The following LNPEP variants were observed in gnomAD, a reference collection of about 807,000 sequenced individuals.
The protein encoded by LNPEP is leucyl and cystinyl aminopeptidase.
In LNPEP, 64 loss-of-function variants were observed where a neutral mutation model predicts 120.6. The ratio of observed to expected loss-of-function variants is 0.53; its 90% CI spans 0.43 to 0.65. The LOEUF (loss-of-function observed/expected upper bound fraction) is 0.65. Among genes scored for constraint, LNPEP ranks in the 30% least tolerant of loss-of-function variants. LNPEP has a pLI of 0.00. For synonymous variants in LNPEP, 435 were observed against 425.4 expected (o/e 1.02, Z -0.28); for missense variants, 1,057 against 1,200.0 (o/e 0.88, Z 1.76).
At chr5:96,992,402 A>G (rs1790410249) in intron 4 of LNPEP, among the ~76,000 whole-genome samples, 1 of 152,228 alleles carries the variant, frequency 6.6e-6, no homozygotes, top group Non-Finnish European at 1.5e-5. Context: ...TGTCCGCAGC[A>G]TTGGAAGAAA....
At chr5:96,998,554 G>A (rs150406794) in intron 8 of LNPEP, among the ~76,000 whole-genome samples, 3 of 152,144 alleles carry the variant, frequency 2.0e-5, no homozygotes, top group Admixed American at 6.6e-5. Context: ...TTGAAGATTC[G>A]ATTTTAGAAT....
At chr5:96,993,754 T>C in intron 5 of LNPEP, 63 bp from the exon 6 acceptor site, 2 of 1,437,726 alleles carry the variant, frequency 1.4e-6, no homozygotes, top group South Asian at 2.4e-5. Context: ...TTGAATAAAA[T>C]ACTTTGAGTA....
rs1349016574 is a variant in LNPEP at position 96,979,996 on chromosome 5, A to ATAATT, written c.860+19_860+20insAATTT. The ATAATT allele has an allele frequency of 6.4e-7, 1 of 1,559,770 alleles. No individual in the cohort carries two copies. The highest frequency in any genetic ancestry group is 1.2e-5 in the South Asian group (1 of 82,884). On this transcript the variant is annotated intron_variant, in intron 2 of 17. Coordinates refer to ENST00000231368, the MANE Select transcript of LNPEP (RefSeq NM_005575.3). ...GAGAAAAAGTAGGTAGCCCTCTTAA[A>ATAATT]TGATTCTGGTTTTACGCTCTGATAA... is the stretch of plus-strand genomic sequence containing the variant.
At chr5:97,009,478 A>G (rs746403955) in intron 11 of LNPEP, among the ~76,000 whole-genome samples, 15 of 152,174 alleles carry the variant, frequency 9.9e-5, no homozygotes, top group Admixed American at 7.2e-4. Context: ...TAATGAAGTG[A>G]CTCCAGTCTC....
In LNPEP at chr5:97,036,334, C is replaced by T. The variant is rs553021581; in HGVS notation, c.*7801C>T. 1.3e-5 allele frequency: 2 copies of T among 152,272 alleles called. No homozygotes were observed. The highest frequency in any genetic ancestry group is 3.9e-4 in the East Asian group (2 of 5,184). The allele number at this position is 152,272 out of a possible 1,614,324, so 9.4% of individuals were successfully genotyped here. A position where few individuals can be genotyped will look rare whatever the true frequency, so the allele number is the denominator to read the frequency against. The stretch of plus-strand genomic sequence containing the variant: ...TCTTTTGTGTGACTGCATCTTTCTC[C>T]TCCGTTCTCCATTGTGTGCTTTCCA... On this transcript the variant is annotated 3_prime_UTR_variant, in exon 18 of 18. Coordinates refer to ENST00000231368, the MANE Select transcript of LNPEP (RefSeq NM_005575.3).
At chr5:96,937,864 C>T (rs917457622) in intron 1 of LNPEP, 1 of 152,068 alleles carries the variant, frequency 6.6e-6, no homozygotes, top group Non-Finnish European at 1.5e-5. Context: ...TGGAAAAATC[C>T]CACAGAAGAG....
rs1217272731 is a variant in LNPEP at position 97,030,536 on chromosome 5, C to T, written c.*2003C>T. ...CAGTTTTACCTGTGCTTCTTGACAT[C>T]GCTCCTATAATGTATGTTAGTTAAC... On this transcript the variant is annotated 3_prime_UTR_variant, in exon 18 of 18. Coordinates refer to ENST00000231368, the MANE Select transcript of LNPEP (RefSeq NM_005575.3). The T allele has an allele frequency of 2.0e-5, 3 of 151,802 alleles. No individual in the cohort carries two copies. The highest frequency in any genetic ancestry group is 1.3e-4 in the Admixed American group (2 of 15,218). The allele number at this position is 151,802 out of a possible 1,614,324, so 9.4% of individuals were successfully genotyped here. A position where few individuals can be genotyped will look rare whatever the true frequency, so the allele number is the denominator to read the frequency against.
intron 1 of LNPEP, among the ~76,000 whole-genome samples, chr5:96,947,525 G>GT (rs1195599909): frequency 6.6e-6 from 1 of 152,086 alleles, no homozygotes; most frequent in African/African-American, 2.4e-5. Flanking sequence ...CTATTTGTCT[G>GT]TTTTTTAGTT....
intron 7 of LNPEP, 105 bp downstream of exon 7, chr5:96,996,608 A>G (rs1790522110): frequency 3.0e-6 from 2 of 660,708 alleles, no homozygotes; most frequent in African/African-American, 1.8e-5. Flanking sequence ...AAATGTTTCT[A>G]GGAAGGTATG....
chr5:96,955,904 T>C (rs1789457202), intron 1 of LNPEP, among the ~76,000 whole-genome samples: 1 of 152,242 alleles, frequency 6.6e-6, no homozygotes, highest in African/African-American at 2.4e-5. Flanking sequence ...ATTTCACATT[T>C]CCATCAGTGG....
intron 1 of LNPEP, among the ~76,000 whole-genome samples, chr5:96,939,107 A>G (rs534857815): frequency 3.9e-5 from 6 of 152,254 alleles, no homozygotes; most frequent in South Asian, 4.1e-4. Flanking sequence ...TATATTTTGT[A>G]AAAACTTAAA....
At chr5:96,940,495 G>A (rs564923813) in intron 1 of LNPEP, among the ~76,000 whole-genome samples, 1 of 146,990 alleles carries the variant, frequency 6.8e-6, no homozygotes, top group Non-Finnish European at 1.5e-5. Flanking sequence ...CTAAATAAGA[G>A]AAATGAATAG....
chr5:96,999,346 A>G (rs79278824), intron 8 of LNPEP, among the ~76,000 whole-genome samples: 3,908 of 152,288 alleles, frequency 0.026, 90 homozygotes, highest in South Asian at 0.089. Flanking sequence ...AATACTGGGC[A>G]GGGAAAGTAC....
intron 13 of LNPEP, among the ~76,000 whole-genome samples, chr5:97,020,389 G>A (rs899920575): frequency 1.3e-5 from 2 of 152,174 alleles, no homozygotes; most frequent in Middle Eastern, 3.2e-3. Flanking sequence ...CACGATGGTG[G>A]TGGAGGTAAA....
In LNPEP at chr5:96,986,561, A is replaced by G; in HGVS notation, c.1022A>G (p.Asp341Gly). Residue 341 changes from aspartate (D) to glycine (G), a missense_variant, in exon 4 of 18, where the codon GAT (aspartate) becomes GGT (glycine). Transcript: ENST00000231368. ...MPKKSSVVLDDGLVQDEFSES... is the reference protein window; with the variant it reads ...MPKKSSVVLDGGLVQDEFSES... ...TAGAAGTCATCAGTCGTTCTAGATG[A>G]TGGACTTGTTCAGGATGAGTTTTCT... 1.9e-6 allele frequency: 3 copies of G among 1,613,460 alleles called. No individual in the cohort carries two copies. The South Asian group carries it at 3.3e-5, about 18-fold the overall frequency.
At chr5:96,989,120 G>T (rs778341392) in intron 4 of LNPEP, among the ~76,000 whole-genome samples, 2 of 150,764 alleles carry the variant, frequency 1.3e-5, no homozygotes, top group Non-Finnish European at 2.9e-5. Context: ...GAAACAACAT[G>T]GTTAAACATA....
intron 1 of LNPEP, among the ~76,000 whole-genome samples, chr5:96,961,748 C>T (rs146767975): frequency 1.3e-5 from 2 of 152,138 alleles, no homozygotes; most frequent in African/African-American, 4.8e-5. Context: ...AGATTACTTA[C>T]AAAACATAAT....
Position 97,024,611 on chromosome 5 carries a change from A to G in LNPEP, c.2652A>G (p.Ile884Met). ...TCCTTTTGGGCAAATACATTTCTAT[A>G]GGCTCTGAAGCAGAGAAGAACAAAA... ...WSFLLGKYIS[I>M]GSEAEKNKIL... The change falls in exon 15 of 18, where the codon ATA becomes ATG. Residue 884 changes from isoleucine (I) to methionine (M), a missense_variant. Coordinates refer to ENST00000231368, the MANE Select transcript of LNPEP (RefSeq NM_005575.3). 1 of 1,614,068 alleles carries G rather than the reference A, an allele frequency of 6.2e-7. No individual in the cohort carries two copies.
chr5:96,962,441 C>T (rs1279621067), intron 1 of LNPEP, among the ~76,000 whole-genome samples: 2 of 152,170 alleles, frequency 1.3e-5, no homozygotes, highest in African/African-American at 4.8e-5. Context: ...TGAGTACACA[C>T]TGTGTGCTAG....
Sources: allele counts gnomAD v4.1 joint callset (sites outside exome capture counted in the v4.1 genomes callset), GRCh38; gene constraint gnomAD v4.1.1; transcripts MANE v1.5; gene names NCBI Gene and HGNC (gene_info 2026-07-23, HGNC 2026-07-21).